CNTNAP4: variants seen among roughly 807,000 people sequenced by gnomAD.
CNTNAP4 encodes contactin-associated protein-like 4.
Under a neutral mutation model 148.4 loss-of-function variants are expected in CNTNAP4, and 98 were observed. The observed-to-expected ratio is 0.66, with a 90% CI of 0.56 to 0.78. The LOEUF is 0.78. Ranked by LOEUF, CNTNAP4 falls within the 30% of genes least tolerant of loss-of-function variation. The probability of loss-of-function intolerance (pLI) is 0.00; values close to 1 mark genes in which losing one functional copy is unlikely to be tolerated. For missense variants in CNTNAP4, 1,935 were observed against 1,565.6 expected (o/e 1.24, Z -3.98); for synonymous variants, 730 against 565.1 (o/e 1.29, Z -4.14).
intron 3 of CNTNAP4, among the ~76,000 whole-genome samples, chr16:76,390,960 A>G (rs989903294): frequency 6.6e-6 from 1 of 152,186 alleles, no homozygotes; most frequent in African/African-American, 2.4e-5. Flanking sequence ...TAAGCACATC[A>G]TAGAGAATGG....
intron 1 of CNTNAP4, among the ~76,000 whole-genome samples, chr16:76,290,442 A>T (rs193174481): frequency 1.3e-5 from 2 of 152,150 alleles, no homozygotes; most frequent in Non-Finnish European, 2.9e-5. Context: ...TCATCTTAAC[A>T]ACAAGCCCCT....
At chr16:76,428,909 C>G (rs1017382489) in intron 4 of CNTNAP4, among the ~76,000 whole-genome samples, 2 of 152,016 alleles carry the variant, frequency 1.3e-5, no homozygotes, top group Non-Finnish European at 2.9e-5. Flanking sequence ...CTCCATTTAC[C>G]TCTTTTGAAA....
At chr16:76,335,113 G>A (rs1963905266) in intron 2 of CNTNAP4, among the ~76,000 whole-genome samples, 1 of 152,100 alleles carries the variant, frequency 6.6e-6, no homozygotes, top group Non-Finnish European at 1.5e-5. Flanking sequence ...GTGGGGTGAG[G>A]TGGGTTATTT....
chr16:76,524,079 CAT>C (rs1443025072), intron 17 of CNTNAP4, among the ~76,000 whole-genome samples: 1 of 152,136 alleles, frequency 6.6e-6, no homozygotes, highest in Non-Finnish European at 1.5e-5. Context: ...ATATTTTTAA[CAT>C]ATTTGAGGAA....
intron 8 of CNTNAP4, among the ~76,000 whole-genome samples, chr16:76,457,409 C>T (rs953743941): frequency 6.6e-6 from 1 of 152,230 alleles, no homozygotes; most frequent in Non-Finnish European, 1.5e-5. Flanking sequence ...CCCCCACAAA[C>T]ATGGCACAAC....
chr16:76,286,585 C>T (rs979739046), intron 1 of CNTNAP4, among the ~76,000 whole-genome samples: 1 of 152,034 alleles, frequency 6.6e-6, no homozygotes, highest in Non-Finnish European at 1.5e-5. Flanking sequence ...AGCAATGAAG[C>T]AGAATATGTT....
chr16:76,535,872 A>G lies in CNTNAP4; in HGVS notation c.2995+88A>G, dbSNP rs1478234052. On this transcript the variant is annotated intron_variant, in intron 18 of 23. Coordinates refer to ENST00000611870, the MANE Select transcript of CNTNAP4 (RefSeq NM_033401.5). ...GTTCTTTTCTATGCAGCTATTTGAA[A>G]CAAAAAAAATTCAATTTCTGAATTG... The G allele has an allele frequency of 2.1e-6, 3 of 1,433,072 alleles. No individual in the cohort carries two copies. In the African/African-American group the frequency reaches 4.3e-5, roughly 21 times the overall value. The allele number at this position is 1,433,072 out of a possible 1,614,324, so 88.8% of individuals were successfully genotyped here. A position where few individuals can be genotyped will look rare whatever the true frequency, so the allele number is the denominator to read the frequency against.
chr16:76,343,221 A>T (rs1356822656), intron 2 of CNTNAP4, among the ~76,000 whole-genome samples: 2 of 152,090 alleles, frequency 1.3e-5, no homozygotes, highest in African/African-American at 2.4e-5. Flanking sequence ...GGAACCATGA[A>T]CTGTGATAGG....
chr16:76,317,165 G>C (rs1385595223), intron 2 of CNTNAP4, among the ~76,000 whole-genome samples: 2 of 150,396 alleles, frequency 1.3e-5, no homozygotes, highest in African/African-American at 2.4e-5. Context: ...GCTGAAGCAG[G>C]AGTATCACTG....
At position 76,467,325 on chromosome 16, in the gene CNTNAP4, G is replaced by C. The variant is rs72797097; in HGVS notation, c.1484-27G>C. 7 of 1,603,956 alleles carry C rather than the reference G, an allele frequency of 4.4e-6. No individual in the cohort carries two copies. The South Asian group carries it at 6.6e-5, about 15-fold the overall frequency. Reference sequence around the variant, plus strand: ...CCTGAATTCTGATTCATTGTGATGCGTACTGGATTTATTTCGTTTTTATCA... The same window carrying C: ...CCTGAATTCTGATTCATTGTGATGCCTACTGGATTTATTTCGTTTTTATCA... On this transcript the variant is annotated intron_variant, in intron 9 of 23. Coordinates refer to ENST00000611870, the MANE Select transcript of CNTNAP4 (RefSeq NM_033401.5).
At chr16:76,302,873 G>A (rs1246034793) in intron 1 of CNTNAP4, among the ~76,000 whole-genome samples, 1 of 152,166 alleles carries the variant, frequency 6.6e-6, no homozygotes, top group Non-Finnish European at 1.5e-5. Context: ...ATGCCACGAT[G>A]CTGCATGTTG....
At position 76,489,722 on chromosome 16, in the gene CNTNAP4, A is replaced by T; in HGVS notation, c.1919A>T (p.Asp640Val). Residue 640 changes from aspartate (D) to valine (V), a missense_variant, in exon 13 of 24, where the codon GAC becomes GTC. Asp to Val is a radical substitution (Grantham distance 152, BLOSUM62 -3). Coordinates refer to ENST00000611870, the MANE Select transcript of CNTNAP4 (RefSeq NM_033401.5). Reference sequence around the variant, plus strand: ...ACCATCATACAGCACAACGGCTCTGACTTAACAAGAGTCAGAAATACTAAT... The same window carrying T: ...ACCATCATACAGCACAACGGCTCTGTCTTAACAAGAGTCAGAAATACTAAT... ...AWTIIQHNGS[D>V]LTRVRNTNPE... 6.2e-7 allele frequency: 1 copy of T among 1,605,196 alleles called. No homozygotes were observed. The highest frequency in any genetic ancestry group is 8.5e-7 in the Non-Finnish European group (1 of 1,175,174).
At chr16:76,356,567 A>G (rs989552575) in intron 3 of CNTNAP4, among the ~76,000 whole-genome samples, 5 of 152,200 alleles carry the variant, frequency 3.3e-5, no homozygotes, top group East Asian at 1.9e-4. Context: ...CAAAGGAAAG[A>G]CTTCTTTCTT....
intron 1 of CNTNAP4, among the ~76,000 whole-genome samples, chr16:76,311,467 A>G (rs1961100137): frequency 6.6e-6 from 1 of 152,164 alleles, no homozygotes; most frequent in Non-Finnish European, 1.5e-5. Flanking sequence ...ATGACTCAGC[A>G]TATTTTTTTC....
rs35343278 is a variant in CNTNAP4 at position 76,372,138 on chromosome 16, A to ATT, written c.390+16645_390+16646dup. ...TGATAATGGTTGTGTTCCAGCCCAA[A>ATT]TTTTTTTTTTTTTTTTTTTGAGACG... On this transcript the variant is annotated intron_variant, in intron 3 of 23. Coordinates refer to ENST00000611870, the MANE Select transcript of CNTNAP4 (RefSeq NM_033401.5). Among the ~76,000 whole-genome samples the ATT allele has an allele frequency of 7.5e-3, 939 of 125,770 alleles. 21 individuals are homozygous for ATT. Among genetic ancestry groups the ATT allele is most frequent in the Middle Eastern group, 0.02 (5 of 244 alleles). 82.5% of individuals were successfully genotyped at this position (125,770 alleles called of 152,430 possible). A position where few individuals can be genotyped will look rare whatever the true frequency, so the allele number is the denominator to read the frequency against.
intron 3 of CNTNAP4, among the ~76,000 whole-genome samples, chr16:76,425,858 G>T (rs762626730): frequency 2.6e-4 from 39 of 152,118 alleles, no homozygotes; most frequent in East Asian, 3.8e-4. Flanking sequence ...TGTTCTAAGT[G>T]GCAAAGAAAG....
chr16:76,418,931 T>C (rs79681542), intron 3 of CNTNAP4, among the ~76,000 whole-genome samples: 2,022 of 152,196 alleles, frequency 0.013, 39 homozygotes, highest in African/African-American at 0.04. Flanking sequence ...AATGCACTTA[T>C]TTCTATTCCT....
At chr16:76,422,212 T>G (rs1242128570) in intron 3 of CNTNAP4, among the ~76,000 whole-genome samples, 1 of 152,134 alleles carries the variant, frequency 6.6e-6, no homozygotes, top group African/African-American at 2.4e-5. Flanking sequence ...AAAAATACAA[T>G]GAAGGCTTTT....
chr16:76,497,041 A>T (rs191192219), intron 14 of CNTNAP4, among the ~76,000 whole-genome samples: 1 of 152,366 alleles, frequency 6.6e-6, no homozygotes. Flanking sequence ...ACAAATTCTA[A>T]TAGAAATTCT....
Sources: gnomAD v4.1 joint callset for allele counts (sites outside exome capture counted in the v4.1 genomes callset) on GRCh38, gnomAD v4.1.1 for gene constraint, MANE v1.5 for transcripts, NCBI Gene and HGNC (gene_info 2026-07-23, HGNC 2026-07-21) for gene names.